Variants in AGBL1 observed in about 807,000 individuals in gnomAD.
The protein encoded by AGBL1 is cytosolic carboxypeptidase 4.
Under a neutral mutation model 118.9 loss-of-function variants are expected in AGBL1, and 130 were observed. The observed-to-expected ratio is 1.09, with a 90% CI of 0.95 to 1.26. The LOEUF is 1.26. Among genes scored for constraint, AGBL1 ranks in the 50% most tolerant of loss-of-function variants. AGBL1 has a pLI of 0.00. For synonymous variants in AGBL1, 555 were observed against 478.9 expected, an observed-to-expected ratio of 1.16 and a Z score of -2.08; for missense variants, 1,584 against 1,298.1, an observed-to-expected ratio of 1.22 and a Z score of -3.38.
chr15:86,886,057 A>G (rs748065441), intron 22 of AGBL1, among the ~76,000 whole-genome samples: 2 of 152,202 alleles, frequency 1.3e-5, no homozygotes, highest in African/African-American at 2.4e-5. Flanking sequence ...GGTTTTTTTC[A>G]TATAGCCTCT....
At chr15:86,835,842 A>G (rs1184839050) in intron 22 of AGBL1, among the ~76,000 whole-genome samples, 1 of 152,194 alleles carries the variant, frequency 6.6e-6, no homozygotes, top group Non-Finnish European at 1.5e-5. Context: ...ACCTGCCATC[A>G]TGCACAGAAA....
At chr15:86,515,953 T>C (rs947693551) in intron 18 of AGBL1, among the ~76,000 whole-genome samples, 3 of 152,340 alleles carry the variant, frequency 2.0e-5, no homozygotes, top group South Asian at 2.1e-4. Context: ...AATTAATATG[T>C]GTAAGATGTA....
At chr15:86,564,140 A>G (rs1166673203) in intron 21 of AGBL1, among the ~76,000 whole-genome samples, 1 of 152,118 alleles carries the variant, frequency 6.6e-6, no homozygotes, top group African/African-American at 2.4e-5. Flanking sequence ...ATTTAAGGTT[A>G]ATATTGTTAG....
At chr15:86,776,859 C>T (rs375160863) in intron 22 of AGBL1, among the ~76,000 whole-genome samples, 17 of 151,028 alleles carry the variant, frequency 1.1e-4, no homozygotes, top group East Asian at 3.9e-4. Flanking sequence ...CTTTTAGACA[C>T]GGGAGTATGT....
intron 22 of AGBL1, among the ~76,000 whole-genome samples, chr15:86,760,464 C>G (rs373175845): frequency 1.1e-4 from 16 of 152,142 alleles, no homozygotes; most frequent in African/African-American, 3.9e-4. Context: ...TTTCTAAATG[C>G]AGAGAAAAAC....
At chr15:86,707,611 G>C (rs1162511650) in intron 22 of AGBL1, among the ~76,000 whole-genome samples, 1 of 152,130 alleles carries the variant, frequency 6.6e-6, no homozygotes, top group Non-Finnish European at 1.5e-5. Context: ...AATCGAATGT[G>C]TAGAGTTTAC....
intron 5 of AGBL1, among the ~76,000 whole-genome samples, chr15:86,160,339 G>T (rs1444033085): frequency 1.3e-5 from 2 of 152,054 alleles, no homozygotes; most frequent in African/African-American, 4.8e-5. Context: ...TTACATTTAT[G>T]TCAGATAACA....
chr15:86,945,312 G>A (rs1224155618), intron 23 of AGBL1, among the ~76,000 whole-genome samples: 1 of 149,126 alleles, frequency 6.7e-6, no homozygotes, highest in Non-Finnish European at 1.5e-5. Context: ...TTCACGATAT[G>A]TAAAGATAGA....
At chr15:86,930,916 A>G (rs1393239387) in intron 23 of AGBL1, among the ~76,000 whole-genome samples, 1 of 152,200 alleles carries the variant, frequency 6.6e-6, no homozygotes, top group Admixed American at 6.5e-5. Context: ...GATTCCCTAT[A>G]GAAACTAAAG....
intron 21 of AGBL1, among the ~76,000 whole-genome samples, chr15:86,579,901 G>A (rs2084150649): frequency 6.6e-6 from 1 of 152,158 alleles, no homozygotes; most frequent in South Asian, 2.1e-4. Context: ...TGACTCCCAG[G>A]TTTCTGGACT....
chr15:86,327,140 A>G (rs1597733541), intron 17 of AGBL1, among the ~76,000 whole-genome samples: 1 of 152,116 alleles, frequency 6.6e-6, no homozygotes, highest in Non-Finnish European at 1.5e-5. Flanking sequence ...ACCTATGTGG[A>G]TGGGTACTTT....
At chr15:86,400,834 A>G (rs2081434347) in intron 18 of AGBL1, among the ~76,000 whole-genome samples, 1 of 152,074 alleles carries the variant, frequency 6.6e-6, no homozygotes, top group Non-Finnish European at 1.5e-5. Context: ...ATGTATTTCT[A>G]TATATCTCAC....
intron 23 of AGBL1, among the ~76,000 whole-genome samples, chr15:86,922,745 A>G (rs2080493216): frequency 6.6e-6 from 1 of 152,262 alleles, no homozygotes; most frequent in Non-Finnish European, 1.5e-5. Flanking sequence ...CATTATACAT[A>G]ACAAAATAAA....
rs78543240 is a variant in AGBL1, at chr15:86,983,472, C to A, written c.3222-4515C>A. 9.2e-4 allele frequency among the ~76,000 whole-genome samples: 140 copies of A among 152,216 alleles called. 1 individual carries two copies. The highest frequency in any genetic ancestry group is 6.2e-4 in the Non-Finnish European group (42 of 68,018). ...ACCTGGTGATGAAATATCAGCAATACCCCTGAAGGTCTTTTGATGTTCTTT... is the reference window on the plus strand; with the variant it reads ...ACCTGGTGATGAAATATCAGCAATAACCCTGAAGGTCTTTTGATGTTCTTT... On this transcript the variant is annotated intron_variant, in intron 23 of 24. Coordinates refer to the AGBL1 transcript ENST00000441037.
At chr15:86,731,882 G>A (rs73445208) in intron 22 of AGBL1, among the ~76,000 whole-genome samples, 3,512 of 152,264 alleles carry the variant, frequency 0.023, 133 homozygotes, top group African/African-American at 0.08. Context: ...TGGCTTGACC[G>A]TTGATTCTGA....
intron 22 of AGBL1, among the ~76,000 whole-genome samples, chr15:86,903,827 C>G (rs1054467801): frequency 1.5e-4 from 23 of 152,162 alleles, no homozygotes; most frequent in African/African-American, 5.1e-4. Flanking sequence ...GAAGAAGCAG[C>G]AGTTCCTCCT....
At chr15:86,980,750 C>A (rs369778261) in intron 23 of AGBL1, among the ~76,000 whole-genome samples, 2 of 151,936 alleles carry the variant, frequency 1.3e-5, no homozygotes, top group Admixed American at 1.3e-4. Context: ...TCATTCGTTT[C>A]TCTTGCTATT....
intron 17 of AGBL1, among the ~76,000 whole-genome samples, chr15:86,338,083 G>C (rs1217980248): frequency 6.6e-6 from 1 of 152,046 alleles, no homozygotes; most frequent in Non-Finnish European, 1.5e-5. Flanking sequence ...TGGTTCTAAA[G>C]GAAATGGAAG....
At chr15:86,316,202 A>C (rs1302404997) in intron 17 of AGBL1, among the ~76,000 whole-genome samples, 2 of 152,210 alleles carry the variant, frequency 1.3e-5, no homozygotes, top group Admixed American at 6.5e-5. Context: ...AGGAAGTTAC[A>C]GGGGAGAAGT....
Sources: gnomAD v4.1 joint callset for allele counts (sites outside exome capture counted in the v4.1 genomes callset) on GRCh38, gnomAD v4.1.1 for gene constraint, MANE v1.5 for transcripts, NCBI Gene and HGNC (gene_info 2026-07-23, HGNC 2026-07-21) for gene names.